The following MROH1 variants were observed in gnomAD, a reference collection of about 807,000 sequenced individuals.
MROH1 encodes the protein maestro heat-like repeat-containing protein family member 1.
Under a neutral mutation model 116.5 loss-of-function variants are expected in MROH1, and 117 were observed. That is an observed-to-expected ratio of 1.00 (90% CI 0.86 to 1.17). MROH1 has a LOEUF of 1.17. MROH1 is among the 50% of genes most tolerant of loss of function. MROH1 has a pLI of 0.00. For synonymous variants in MROH1, 921 were observed against 583.9 expected, an observed-to-expected ratio of 1.58 and a Z score of -8.32; for missense variants, 1,873 against 1,338.5, an observed-to-expected ratio of 1.40 and a Z score of -6.23.
intron 15 of MROH1, 37 bp downstream of exon 15, chr8:144,238,900 A>C: frequency 1.3e-6 from 1 of 769,948 alleles, no homozygotes; most frequent in Non-Finnish European, 2.4e-6. Flanking sequence ...TGGCGACAAC[A>C]GAGCTCTCCA....
At position 144,260,336 on chromosome 8, in the gene MROH1, C is replaced by T. The variant is rs1336653681; in HGVS notation, c.4342C>T (p.Leu1448=). ...GTCCTGGGACCTGCGCTCAGGGCTG[C>T]TGCACGTGGCCATCCGCATCCGGCC... The part of the protein sequence containing the change: ...VESWDLRSGL[L]HVAIRIRPFF... Residue 1448 remains leucine, a synonymous_variant, in exon 39 of 44, where the codon CTG becomes TTG. Transcript: ENST00000326134. The T allele has an allele frequency of 4.3e-5, 32 of 737,152 alleles. No homozygotes were observed. The highest frequency in any genetic ancestry group is 2.2e-4 in the Admixed American group (12 of 53,832). The allele number at this position is 737,152 out of a possible 1,614,324, so 45.7% of individuals were successfully genotyped here. A position where few individuals can be genotyped will look rare whatever the true frequency, so the allele number is the denominator to read the frequency against.
intron 14 of MROH1, among the ~76,000 whole-genome samples, chr8:144,237,185 A>G (rs1381037184): frequency 6.6e-6 from 1 of 151,248 alleles, no homozygotes; most frequent in Non-Finnish European, 1.5e-5. Context: ...GATTATAGGC[A>G]TGAGCCACCA....
intron 21 of MROH1, 29 bp from the exon 22 acceptor site, chr8:144,241,366 C>T (rs2132916604): frequency 1.3e-6 from 1 of 755,538 alleles, no homozygotes; most frequent in East Asian, 2.5e-5. Context: ...GTGCTCTTCC[C>T]TGCCCGGGGT....
chr8:144,238,841 C>T lies in MROH1; in HGVS notation c.1424C>T (p.Thr475Ile). Reference sequence around the variant, plus strand: ...GTGCGCACCCTCTACCTGGTCAGCACCACCGTGGACAGGATGAGTCACGTG... The same window carrying T: ...GTGCGCACCCTCTACCTGGTCAGCATCACCGTGGACAGGATGAGTCACGTG... ...ISVRTLYLVS[T>I]TVDRMSHVLW... Residue 475 changes from threonine (T) to isoleucine (I), a missense_variant, in exon 15 of 44, where the codon ACC becomes ATC. By Grantham distance (89) the Thr-to-Ile change is moderately conservative (BLOSUM62 -1). Transcript: ENST00000326134. 1 of 774,758 alleles carries T rather than the reference C, an allele frequency of 1.3e-6. No individual in the cohort carries two copies. The highest frequency in any genetic ancestry group is 1.3e-5 in the South Asian group (1 of 74,590). 48.0% of individuals were successfully genotyped at this position (774,758 alleles called of 1,614,324 possible).
rs1411132169 is a variant in MROH1, at chr8:144,250,549, G to A, written c.3428+183G>A. 7.6e-5 allele frequency: 51 copies of A among 671,532 alleles called. No individual in the cohort carries two copies. In the Admixed American group the frequency reaches 9.5e-4, roughly 13 times the overall value. The allele number at this position is 671,532 out of a possible 1,614,324, so 41.6% of individuals were successfully genotyped here. A position where few individuals can be genotyped will look rare whatever the true frequency, so the allele number is the denominator to read the frequency against. ...CCCCAGTCTCTCAGGTACCCACGGGGACCTCTCCTCTCCAGGCGTTTTGGG... is the reference window on the plus strand; with the variant it reads ...CCCCAGTCTCTCAGGTACCCACGGGAACCTCTCCTCTCCAGGCGTTTTGGG... On this transcript the variant is annotated intron_variant, in intron 33 of 43. Transcript: ENST00000326134.
At chr8:144,178,736 G>A (rs1022548992) in intron 4 of MROH1, among the ~76,000 whole-genome samples, 2 of 152,186 alleles carry the variant, frequency 1.3e-5, no homozygotes, top group African/African-American at 4.8e-5. Context: ...TCAACACAGG[G>A]TGGCTGGGTG....
At chr8:144,178,235 G>A (rs544969669) in intron 4 of MROH1, among the ~76,000 whole-genome samples, 14 of 151,926 alleles carry the variant, frequency 9.2e-5, no homozygotes, top group African/African-American at 3.4e-4. Context: ...GGGTTCAAGC[G>A]ATTCTTCTGC....
chr8:144,216,484 TAAG>T (rs776361607), intron 12 of MROH1, among the ~76,000 whole-genome samples: 25 of 151,922 alleles, frequency 1.6e-4, no homozygotes, highest in East Asian at 1.2e-3. Flanking sequence ...AAAAAAATAA[TAAG>T]AAGAAACACA....
In MROH1 at chr8:144,259,352, G is replaced by A. The variant is rs1177465188; in HGVS notation, c.4042G>A (p.Glu1348Lys). The change falls in exon 37 of 44, where the codon GAG becomes AAG. Residue 1348 changes from glutamate to lysine, a missense_variant and splice_region_variant. By Grantham distance (56) the Glu-to-Lys change is moderately conservative. Coordinates refer to ENST00000326134, the MANE Select transcript of MROH1 (RefSeq NM_032450.3). The stretch of plus-strand genomic sequence containing the variant: ...GGTGACCACCACCGCCTTCCTGGCC[G>A]AGGTAGGCCCTTCCAGGGACGGATG... ...QRVTTTAFLA[E>K]LLNSNVANDL... 9.8e-6 allele frequency: 7 copies of A among 714,994 alleles called. No homozygotes were observed. Among genetic ancestry groups the A allele is most frequent in the South Asian group, 1.5e-5 (1 of 67,510 alleles). 44.3% of individuals were successfully genotyped at this position (714,994 alleles called of 1,614,324 possible).
At chr8:144,212,910 A>G in intron 12 of MROH1, 1 of 703,390 alleles carries the variant, frequency 1.4e-6, no homozygotes, top group East Asian at 2.5e-5. Flanking sequence ...TTACGTCTCT[A>G]TCTCTGTTCT....
chr8:144,175,816 C>T (rs988254172), intron 4 of MROH1, among the ~76,000 whole-genome samples: 26 of 151,958 alleles, frequency 1.7e-4, no homozygotes, highest in African/African-American at 6.0e-4. Flanking sequence ...TTTGGGAGGC[C>T]GAGGCGGGCA....
rs1245859055 is a variant in MROH1 at position 144,260,992 on chromosome 8, G to A, written c.4622G>A (p.Gly1541Asp). The A allele has an allele frequency of 1.3e-6, 1 of 755,550 alleles. No homozygotes were observed. Among genetic ancestry groups the A allele is most frequent in the Non-Finnish European group, 2.5e-6 (1 of 405,704 alleles). The allele number at this position is 755,550 out of a possible 1,614,324, so 46.8% of individuals were successfully genotyped here. A position where few individuals can be genotyped will look rare whatever the true frequency, so the allele number is the denominator to read the frequency against. The change falls in exon 41 of 44, where the codon GGC becomes GAC. Residue 1541 changes from glycine to aspartate, a missense_variant. Transcript: ENST00000326134. ...GCTTTCCAGAAACACCTGCAGGAGG[G>A]CCGAGCCCTGCACTTCGGGGAGTTC... ...SAAFQKHLQE[G>D]RALHFGEFLN...
At chr8:144,183,890 G>A (rs879876660) in intron 7 of MROH1, among the ~76,000 whole-genome samples, 1 of 151,846 alleles carries the variant, frequency 6.6e-6, no homozygotes, top group South Asian at 2.1e-4. Context: ...CTCGTGATCC[G>A]CCCGCCTCGG....
At chr8:144,230,766 C>T (rs960633676) in intron 14 of MROH1, among the ~76,000 whole-genome samples, 4 of 142,346 alleles carry the variant, frequency 2.8e-5, no homozygotes, top group Non-Finnish European at 6.1e-5. Flanking sequence ...CCAGTGAAGA[C>T]ATCAGGTCCT....
chr8:144,152,928 T>A (rs1450453552), intron 1 of MROH1, among the ~76,000 whole-genome samples: 10 of 152,338 alleles, frequency 6.6e-5, no homozygotes, highest in African/African-American at 2.4e-4. Flanking sequence ...CACGTTGCTG[T>A]TAACTCTAGT....
chr8:144,226,040 G>A (rs1435668102), intron 14 of MROH1, among the ~76,000 whole-genome samples: 9 of 148,544 alleles, frequency 6.1e-5, no homozygotes, highest in African/African-American at 2.0e-4. Flanking sequence ...TCAGCCTCCC[G>A]GGTAGCTGGG....
intron 1 of MROH1, among the ~76,000 whole-genome samples, chr8:144,159,139 C>T (rs1414707823): frequency 6.6e-6 from 1 of 152,162 alleles, no homozygotes; most frequent in Non-Finnish European, 1.5e-5. Flanking sequence ...GGGTGGATCA[C>T]CTGAGGTCAG....
chr8:144,257,663 C>T (rs1241309078), intron 35 of MROH1, among the ~76,000 whole-genome samples: 3 of 152,210 alleles, frequency 2.0e-5, no homozygotes, highest in African/African-American at 4.8e-5. Flanking sequence ...CCCAGCTTGG[C>T]GGGGCCACTT....
intron 24 of MROH1, 85 bp from the exon 25 acceptor site, chr8:144,243,409 T>C (rs1841351563): frequency 1.3e-6 from 1 of 752,418 alleles, no homozygotes; most frequent in African/African-American, 1.7e-5. Context: ...GCACTTCTGG[T>C]TTCAGAGGAA....
Sources: allele counts gnomAD v4.1 joint callset (sites outside exome capture counted in the v4.1 genomes callset), GRCh38; gene constraint gnomAD v4.1.1; transcripts MANE v1.5; gene names NCBI Gene and HGNC (gene_info 2026-07-23, HGNC 2026-07-21).